The following WIPI2 variants were observed in gnomAD, a reference collection of about 807,000 sequenced individuals.
WIPI2 encodes the protein WD repeat domain, phosphoinositide interacting 2, also known as WD repeat domain phosphoinositide-interacting protein 2.
A neutral mutation model predicts 52.3 loss-of-function variants in WIPI2; 28 were observed. That is an observed-to-expected ratio of 0.54 (90% CI 0.40 to 0.73). The LOEUF is 0.73. Ranked by LOEUF, WIPI2 falls within the 30% of genes least tolerant of loss-of-function variation. WIPI2 has a pLI of 0.00. For missense variants in WIPI2, 506 were observed against 602.9 expected, an observed-to-expected ratio of 0.84 and a Z score of 1.68; for synonymous variants, 268 against 245.0, an observed-to-expected ratio of 1.09 and a Z score of -0.88.
At chr7:5,206,943 A>G (rs376177902) in intron 3 of WIPI2, among the ~76,000 whole-genome samples, 104 of 152,118 alleles carry the variant, frequency 6.8e-4, no homozygotes, top group African/African-American at 2.5e-3. Flanking sequence ...ATGCTCAGCT[A>G]ATTTTTCGAT....
At chr7:5,219,304 A>G (rs1031063617) in intron 7 of WIPI2, among the ~76,000 whole-genome samples, 4 of 152,210 alleles carry the variant, frequency 2.6e-5, no homozygotes, top group South Asian at 2.1e-4. Flanking sequence ...GACTATCCCA[A>G]TAGCACCTTG....
At chr7:5,216,265 C>G (rs144065217) in intron 4 of WIPI2, 16 of 255,062 alleles carry the variant, frequency 6.3e-5, no homozygotes, top group African/African-American at 1.1e-4. Flanking sequence ...AACCCCATCT[C>G]TACTAAAAAT....
At chr7:5,202,902 C>T (rs1451177927) in intron 3 of WIPI2, among the ~76,000 whole-genome samples, 1 of 152,166 alleles carries the variant, frequency 6.6e-6, no homozygotes, top group Admixed American at 6.6e-5. Context: ...TGTAAAAGAT[C>T]ACAAAAGTTT....
intron 4 of WIPI2, among the ~76,000 whole-genome samples, chr7:5,215,309 C>G (rs1407728114): frequency 6.6e-6 from 1 of 151,776 alleles, no homozygotes; most frequent in African/African-American, 2.4e-5. Context: ...GAGACTTCGT[C>G]TCAAAAAAAA....
At chr7:5,203,205 T>TAA (rs1782116184) in intron 3 of WIPI2, among the ~76,000 whole-genome samples, 1 of 152,228 alleles carries the variant, frequency 6.6e-6, no homozygotes, top group Admixed American at 6.5e-5. Flanking sequence ...GTTAGTCTTA[T>TAA]TTGACAGGCA....
Position 5,230,881 on chromosome 7 carries a change from C to G in WIPI2, c.1299C>G (p.Asp433Glu). The change falls in exon 13 of 13, where the codon GAC (aspartate) becomes GAG (glutamate). Residue 433 changes from aspartate to glutamate, a missense_variant. Physicochemically the swap from Asp to Glu is conservative, Grantham distance 45. This residue lies in a region of WIPI2 where 194 missense variants were observed against 175.1 expected (regional missense o/e 1.11). Transcript: ENST00000288828. The surrounding 1 kb of genome is among the most constrained non-coding windows in gnomAD (Gnocchi z 4.8). The stretch of plus-strand genomic sequence containing the variant: ...CTGTGGGTGGCGCCTGCCTGGAGGA[C>G]GAGGCCAGCGCCCTGCGCCTGGATG... ...LGAVGGACLEDEASALRLDED... is the reference protein window; with the variant it reads ...LGAVGGACLEEEASALRLDED... 1 of 1,613,850 alleles carries G rather than the reference C, an allele frequency of 6.2e-7. No individual in the cohort carries two copies. The highest frequency in any genetic ancestry group is 8.5e-7 in the Non-Finnish European group (1 of 1,179,894).
chr7:5,216,576 G>T lies in WIPI2; in HGVS notation c.395G>T (p.Cys132Phe). 6.2e-7 allele frequency: 1 copy of T among 1,614,198 alleles called. No individual in the cohort carries two copies. Among genetic ancestry groups the T allele is most frequent in the African/African-American group, 1.3e-5 (1 of 75,054 alleles). ...VKLNRQRLIV[C>F]LEESLYIHNI... is the part of the protein sequence containing the mutation. ...TCTCTCGCCTAGAGGCTGATAGTAT[G>T]CCTGGAGGAGTCCCTGTACATCCAC... Residue 132 changes from cysteine (C) to phenylalanine (F), a missense_variant, in exon 5 of 13, where the codon TGC (cysteine) becomes TTC (phenylalanine). Physicochemically the swap from Cys to Phe is radical, Grantham distance 205. Around this residue, in one of 4 missense-constraint regions of WIPI2, gnomAD observed 237 missense variants for 346.9 expected, o/e 0.68. Coordinates refer to ENST00000288828, the MANE Select transcript of WIPI2 (RefSeq NM_015610.4).
chr7:5,194,184 A>G (rs745722830), intron 2 of WIPI2, among the ~76,000 whole-genome samples: 1 of 151,754 alleles, frequency 6.6e-6, no homozygotes, highest in East Asian at 1.9e-4. Flanking sequence ...TGGAAAGGCC[A>G]CAGGGATATG....
At chr7:5,208,802 T>C (rs1027949171) in intron 3 of WIPI2, among the ~76,000 whole-genome samples, 5 of 152,182 alleles carry the variant, frequency 3.3e-5, no homozygotes, top group Non-Finnish European at 7.3e-5. Context: ...TTTTTCAGGA[T>C]AGCTTTGCAT....
At position 5,227,402 on chromosome 7, in the gene WIPI2, G is replaced by A; in HGVS notation, c.1013+58G>A. On this transcript the variant is annotated intron_variant, in intron 10 of 12. Coordinates refer to ENST00000288828, the MANE Select transcript of WIPI2 (RefSeq NM_015610.4). The surrounding 1 kb of genome is among the most constrained non-coding windows in gnomAD (Gnocchi z 8.1). ...CGTGTGCCTCAGGCCGAGGGGCCCA[G>A]TCCTGGCGGCTTGTGGCCCCTTCCG... 1 of 1,584,312 alleles carries A rather than the reference G, an allele frequency of 6.3e-7. No homozygotes were observed. The highest frequency in any genetic ancestry group is 8.6e-7 in the Non-Finnish European group (1 of 1,168,446).
chr7:5,228,320 C>A, intron 11 of WIPI2, 109 bp downstream of exon 11: 1 of 1,037,768 alleles, frequency 9.6e-7, no homozygotes, highest in Non-Finnish European at 1.4e-6. Flanking sequence ...CATAGAGGGG[C>A]AGATTCCAGC....
intron 3 of WIPI2, among the ~76,000 whole-genome samples, chr7:5,209,855 C>T (rs1455172850): frequency 6.6e-6 from 1 of 152,090 alleles, no homozygotes; most frequent in East Asian, 1.9e-4. Flanking sequence ...CCATGCATAT[C>T]CCCCAGCCCC....
intron 3 of WIPI2, among the ~76,000 whole-genome samples, chr7:5,200,522 G>A (rs968825167): frequency 6.6e-6 from 1 of 151,486 alleles, no homozygotes; most frequent in South Asian, 2.1e-4. Context: ...CCTTGTGCTC[G>A]TTTGTGTGTG....
Position 5,231,100 on chromosome 7 carries a change from C to A in WIPI2, c.*153C>A, listed in dbSNP as rs1296764306. On this transcript the variant is annotated 3_prime_UTR_variant, in exon 13 of 13. Coordinates refer to ENST00000288828, the MANE Select transcript of WIPI2 (RefSeq NM_015610.4). Reference sequence around the variant, plus strand: ...AAAGATTGTAGTGGTAGTCTAACTCCATAACGCTGAGGAAATACATCATTT... The same window carrying A: ...AAAGATTGTAGTGGTAGTCTAACTCAATAACGCTGAGGAAATACATCATTT... 1 of 488,306 alleles carries A rather than the reference C, an allele frequency of 2.0e-6. No homozygotes were observed. The highest frequency in any genetic ancestry group is 3.5e-6 in the Non-Finnish European group (1 of 283,400). The allele number at this position is 488,306 out of a possible 1,614,324, so 30.2% of individuals were successfully genotyped here.
Position 5,227,047 on chromosome 7 carries a change from A to G in WIPI2, c.849-133A>G, listed in dbSNP as rs1783470301. ...GGCCCTGAGTGTCTGCTTATAACCA[A>G]CCCTGTTTAATTTTCCTGTGAAGAA... On this transcript the variant is annotated intron_variant, in intron 9 of 12. Coordinates refer to ENST00000288828, the MANE Select transcript of WIPI2 (RefSeq NM_015610.4). This position sits in a 1 kb window ranked among gnomAD's most constrained non-coding sequence, Gnocchi z 8.1. 7.8e-7 allele frequency: 1 copy of G among 1,286,864 alleles called. No homozygotes were observed. The highest frequency in any genetic ancestry group is 1.5e-5 in the African/African-American group (1 of 67,298). The allele number at this position is 1,286,864 out of a possible 1,614,324, so 79.7% of individuals were successfully genotyped here.
chr7:5,229,046 C>T (rs1783586243), intron 11 of WIPI2, among the ~76,000 whole-genome samples: 1 of 152,066 alleles, frequency 6.6e-6, no homozygotes, highest in Non-Finnish European at 1.5e-5. Flanking sequence ...AATGGAGTCT[C>T]ACTCTGTCAC....
At chr7:5,213,472 C>G (rs1488062522) in intron 3 of WIPI2, 1 of 152,406 alleles carries the variant, frequency 6.6e-6, no homozygotes, top group Non-Finnish European at 1.5e-5. Context: ...TTTGCTGCAG[C>G]TTTCCCATGT....
chr7:5,204,563 A>G (rs1782199317), intron 3 of WIPI2, among the ~76,000 whole-genome samples: 1 of 152,218 alleles, frequency 6.6e-6, no homozygotes, highest in Admixed American at 6.5e-5. Flanking sequence ...ACTACTAGCA[A>G]TATATAAAAG....
At chr7:5,212,989 G>A (rs898929484) in intron 3 of WIPI2, 2 of 152,290 alleles carry the variant, frequency 1.3e-5, no homozygotes, top group Non-Finnish European at 2.9e-5. Flanking sequence ...TCTCTTCTGA[G>A]TTGGGTTGGC....
Sources: allele counts gnomAD v4.1 joint callset (sites outside exome capture counted in the v4.1 genomes callset), GRCh38; gene constraint gnomAD v4.1.1; regional missense constraint gnomAD v4.1.1; non-coding constraint Gnocchi (gnomAD v3.1); transcripts MANE v1.5; gene names NCBI Gene and HGNC (gene_info 2026-07-23, HGNC 2026-07-21).